The following MAST1 variants were observed in gnomAD, a reference collection of about 807,000 sequenced individuals.
MAST1 encodes microtubule associated serine/threonine kinase 1.
Under a neutral mutation model 124.6 loss-of-function variants are expected in MAST1, and 40 were observed. The observed-to-expected ratio is 0.32, with a 90% CI of 0.25 to 0.42. The LOEUF is 0.42. MAST1 is among the 10% of genes least tolerant of loss of function. The pLI, the probability that MAST1 is intolerant of heterozygous loss-of-function variation, is 1.00. For missense variants in MAST1, 1,558 were observed against 2,181.9 expected, an observed-to-expected ratio of 0.71 and a Z score of 5.70; for synonymous variants, 938 against 939.4, an observed-to-expected ratio of 1.00 and a Z score of 0.03.
Position 12,865,058 on chromosome 19 carries a change from C to T in MAST1, c.1518C>T (p.Thr506=). 1 of 1,614,132 alleles carries T rather than the reference C, an allele frequency of 6.2e-7. No individual in the cohort carries two copies. The part of the protein sequence containing the change: ...RDLKPDNLLI[T]SMGHIKLTDF... The stretch of plus-strand genomic sequence containing the variant: ...CCTGTGCCTACAGCCTCCTTATCAC[C>T]TCCATGGGTCACATCAAGCTCACAG... Residue 506 remains threonine, a synonymous_variant, in exon 14 of 26, where the codon ACC becomes ACT. Coordinates refer to ENST00000251472, the MANE Select transcript of MAST1 (RefSeq NM_014975.3). This position sits in a 1 kb window ranked among gnomAD's most constrained non-coding sequence, Gnocchi z 7.1.
At chr19:12,856,945 A>G (rs1418886175) in intron 10 of MAST1, among the ~76,000 whole-genome samples, 1 of 152,214 alleles carries the variant, frequency 6.6e-6, no homozygotes, top group Non-Finnish European at 1.5e-5. Flanking sequence ...TACACTCCCA[A>G]CAGCAAAGTA....
At position 12,866,261 on chromosome 19, in the gene MAST1, G is replaced by C. The variant is rs1287755899; in HGVS notation, c.2029+159G>C. Among the ~76,000 whole-genome samples, 1 of 152,120 alleles carries C rather than the reference G, an allele frequency of 6.6e-6. No homozygotes were observed. Among genetic ancestry groups the C allele is most frequent in the Non-Finnish European group, 1.5e-5 (1 of 68,012 alleles). The stretch of plus-strand genomic sequence containing the variant: ...GGTGGGGGCGGGGCCAAGTGGGGCG[G>C]GGCTGACATACAGGCGGGGCTCAGG... On this transcript the variant is annotated intron_variant, in intron 17 of 25. Transcript: ENST00000251472. This position sits in a 1 kb window ranked among gnomAD's most constrained non-coding sequence, Gnocchi z 5.2.
At position 12,866,791 on chromosome 19, in the gene MAST1, C is replaced by A. The variant is rs756892381; in HGVS notation, c.2139+29C>A. On this transcript the variant is annotated intron_variant, in intron 18 of 25. Transcript: ENST00000251472. The surrounding 1 kb of genome is among the most constrained non-coding windows in gnomAD (Gnocchi z 5.2). ...GGCCAAGTCTGGGTGTGGGACAGGG[C>A]GAGACCCCAGGAGGGATGGGGCTTG... 3.2e-6 allele frequency: 5 copies of A among 1,570,552 alleles called. No homozygotes were observed. Among genetic ancestry groups the A allele is most frequent in the Non-Finnish European group, 1.7e-6 (2 of 1,145,310 alleles).
At chr19:12,852,888 C>T (rs1344373810) in intron 10 of MAST1, among the ~76,000 whole-genome samples, 1 of 151,928 alleles carries the variant, frequency 6.6e-6, no homozygotes. Flanking sequence ...TGCTCTTCCC[C>T]TGTGACCTCT....
intron 3 of MAST1, among the ~76,000 whole-genome samples, chr19:12,842,134 T>C (rs1969837452): frequency 6.6e-6 from 1 of 152,142 alleles, no homozygotes; most frequent in Non-Finnish European, 1.5e-5. Context: ...AACATGTGTC[T>C]GTAGGATTGT....
At chr19:12,849,792 A>G (rs1969939662) in intron 7 of MAST1, among the ~76,000 whole-genome samples, 1 of 151,908 alleles carries the variant, frequency 6.6e-6, no homozygotes, top group Non-Finnish European at 1.5e-5. Flanking sequence ...ATATTTATTT[A>G]TTTATTTATT....
In MAST1 at chr19:12,858,423, T is replaced by A; in HGVS notation, c.1139T>A (p.Ile380Lys). 1 of 1,613,802 alleles carries A rather than the reference T, an allele frequency of 6.2e-7. No individual in the cohort carries two copies. The highest frequency in any genetic ancestry group is 8.5e-7 in the Non-Finnish European group (1 of 1,179,920). ...AATGACTTCGATACCATCAAGCTCA[T>A]AAGCAACGGTGCCTACGGGTGAGCC... ...GENDFDTIKL[I>K]SNGAYGAVYL... The change falls in exon 11 of 26, where the codon ATA becomes AAA. Residue 380 changes from isoleucine to lysine, a missense_variant. Ile to Lys is a moderately radical substitution (Grantham distance 102, BLOSUM62 -3). This residue lies in a region of MAST1 where 136 missense variants were observed against 160.9 expected (regional missense o/e 0.85). Coordinates refer to ENST00000251472, the MANE Select transcript of MAST1 (RefSeq NM_014975.3).
intron 24 of MAST1, 127 bp from the exon 25 acceptor site, chr19:12,873,197 T>A (rs1970259956): frequency 9.6e-6 from 8 of 832,592 alleles, no homozygotes; most frequent in Non-Finnish European, 1.5e-5. Context: ...TCTTGATAGG[T>A]GGGTTGTAGC....
At chr19:12,873,587 C>T (rs751890753) in intron 25 of MAST1, 22 bp from the exon 26 acceptor site, 18 of 1,578,880 alleles carry the variant, frequency 1.1e-5, no homozygotes, top group Non-Finnish European at 1.5e-5. Flanking sequence ...TACTCACTCG[C>T]TTCACCTCCT....
rs753184624 is a variant in MAST1 at position 12,858,769 on chromosome 19, A to T, written c.1366+30A>T. The T allele has an allele frequency of 2.5e-6, 4 of 1,611,752 alleles. No individual in the cohort carries two copies. The African/African-American group carries it at 5.3e-5, about 22-fold the overall frequency. ...GGCTGCCTGCGGGGCTGCAGGGAAG[A>T]TGGGGCCGTGCTCACTGGTCAGGGC... On this transcript the variant is annotated intron_variant, in intron 12 of 25. Transcript: ENST00000251472.
chr19:12,862,303 C>T (rs115941582), intron 12 of MAST1, among the ~76,000 whole-genome samples: 3,203 of 152,140 alleles, frequency 0.021, 59 homozygotes, highest in Middle Eastern at 0.065. Flanking sequence ...CTGCGCCCAG[C>T]CTTGTTTTGT....
chr19:12,840,463 G>A lies in MAST1; in HGVS notation c.101G>A (p.Arg34Gln). 1 of 1,613,712 alleles carries A rather than the reference G, an allele frequency of 6.2e-7. No individual in the cohort carries two copies. The highest frequency in any genetic ancestry group is 8.5e-7 in the Non-Finnish European group (1 of 1,179,748). ...RRTKSCRTSN[R>Q]KSLILTSTSP... is the part of the protein sequence containing the mutation. ...CCCCGCAGCTGCCGCACCAGTAATC[G>A]GAAAAGCCTCATCCTGACCAGCACT... The change falls in exon 2 of 26, where the codon CGG (arginine) becomes CAG (glutamine). Residue 34 changes from arginine to glutamine, a missense_variant. Physicochemically the swap from Arg to Gln is conservative, Grantham distance 43. Transcript: ENST00000251472.
chr19:12,852,452 C>T (rs550002187), intron 10 of MAST1, 57 bp downstream of exon 10: 2 of 1,471,256 alleles, frequency 1.4e-6, no homozygotes, highest in Non-Finnish European at 1.9e-6. Context: ...CAGGGTGGGG[C>T]TCATCTCCGG....
chr19:12,873,321 C>T lies in MAST1; in HGVS notation c.3264-3C>T. ...GACGCTTGGCCCCCTCCCTGTCCCG[C>T]AGCAAGAAGCGCAGCTCCCTCTTCC... On this transcript the variant is annotated splice_polypyrimidine_tract_variant and splice_region_variant and intron_variant, in intron 24 of 25. Transcript: ENST00000251472. The T allele has an allele frequency of 1.9e-6, 3 of 1,611,540 alleles. No individual in the cohort carries two copies. Among genetic ancestry groups the T allele is most frequent in the Non-Finnish European group, 2.5e-6 (3 of 1,178,094 alleles).
Position 12,873,234 on chromosome 19 carries a change from G to C in MAST1, c.3264-90G>C. On this transcript the variant is annotated intron_variant, in intron 24 of 25. Transcript: ENST00000251472. ...GGAGAGGGAAGGGCCAGAAGGGGTG[G>C]GTGGTTACCGTTGTGAGGCCGTGAA... The C allele has an allele frequency of 2.3e-6, 3 of 1,281,758 alleles. No individual in the cohort carries two copies. In the South Asian group the frequency reaches 4.0e-5, roughly 17 times the overall value. The allele number at this position is 1,281,758 out of a possible 1,614,324, so 79.4% of individuals were successfully genotyped here.
intron 20 of MAST1, 126 bp downstream of exon 20, chr19:12,868,103 A>ATTTTTTTTTTTTTTTTTTTTTTTTT (rs34988246): frequency 6.8e-5 from 22 of 322,290 alleles, no homozygotes; most frequent in East Asian, 4.8e-4. Flanking sequence ...GCAATTTGGG[A>ATTTTTTTTTTTTTTTTTTTTTTTTT]TTTTTTTTTT....
In MAST1 at chr19:12,858,736, G is replaced by C; in HGVS notation, c.1363G>C (p.Glu455Gln). ...CCTCTGCATGGTCATGGAATATGTGGAAGGTGTGGCTGCCTGCGGGGCTGC... is the reference window on the plus strand; with the variant it reads ...CCTCTGCATGGTCATGGAATATGTGCAAGGTGTGGCTGCCTGCGGGGCTGC... ...RHLCMVMEYV[E>Q]GGDCATLLKN... Residue 455 changes from glutamate (E) to glutamine (Q), a missense_variant, in exon 12 of 26, where the codon GAA becomes CAA. By Grantham distance (29) the Glu-to-Gln change is conservative. Transcript: ENST00000251472. 1 of 1,614,190 alleles carries C rather than the reference G, an allele frequency of 6.2e-7. No individual in the cohort carries two copies. The highest frequency in any genetic ancestry group is 8.5e-7 in the Non-Finnish European group (1 of 1,180,034).
At chr19:12,858,984 CATCT>C (rs749596594) in intron 12 of MAST1, 39 of 593,768 alleles carry the variant, frequency 6.6e-5, no homozygotes, top group Non-Finnish European at 1.0e-4. Context: ...ATTATCCATC[CATCT>C]ATCCTTCTAT....
At chr19:12,854,868 T>G (rs1303373258) in intron 10 of MAST1, among the ~76,000 whole-genome samples, 1 of 152,138 alleles carries the variant, frequency 6.6e-6, no homozygotes, top group East Asian at 1.9e-4. Flanking sequence ...TGGCAGATGT[T>G]CCAGATGTCT....
Sources: gnomAD v4.1 joint callset for allele counts (sites outside exome capture counted in the v4.1 genomes callset) on GRCh38, gnomAD v4.1.1 for gene constraint, gnomAD v4.1.1 regional missense constraint, Gnocchi (gnomAD v3.1) non-coding constraint, MANE v1.5 for transcripts, NCBI Gene and HGNC (gene_info 2026-07-23, HGNC 2026-07-21) for gene names.